Variants in PCDH17 observed in about 807,000 individuals in gnomAD.
PCDH17 encodes the protein protocadherin 17.
PCDH17 carries 21 observed loss-of-function variants against 67.7 expected under a neutral mutation model. That is an observed-to-expected ratio of 0.31 (90% CI 0.22 to 0.45). The LOEUF is 0.45. Among genes scored for constraint, PCDH17 ranks in the 20% least tolerant of loss-of-function variants. The pLI, the probability that PCDH17 is intolerant of heterozygous loss-of-function variation, is 1.00. For synonymous variants in PCDH17, 701 were observed against 656.7 expected, an observed-to-expected ratio of 1.07 and a Z score of -1.03; for missense variants, 1,471 against 1,564.8, an observed-to-expected ratio of 0.94 and a Z score of 1.01.
intron 3 of PCDH17, among the ~76,000 whole-genome samples, chr13:57,672,674 C>A (rs1315180614): frequency 2.6e-5 from 4 of 152,022 alleles, no homozygotes; most frequent in Non-Finnish European, 5.9e-5. Flanking sequence ...ACTTTACAAT[C>A]TTCCCTATAA....
At chr13:57,704,941 T>C (rs1955707232) in intron 3 of PCDH17, among the ~76,000 whole-genome samples, 1 of 152,016 alleles carries the variant, frequency 6.6e-6, no homozygotes, top group East Asian at 1.9e-4. Flanking sequence ...TATGTATATA[T>C]GTATATTATG....
rs1318014436 is a variant in PCDH17 at position 57,632,583 on chromosome 13, G to A, written c.37G>A (p.Ala13Thr). The change falls in exon 1 of 4, where the codon GCC becomes ACC. Residue 13 changes from alanine to threonine, a missense_variant. Physicochemically the swap from Ala to Thr is moderately conservative, Grantham distance 58 (BLOSUM62 0). Transcript: ENST00000377918. The stretch of plus-strand genomic sequence containing the variant: ...CATCTGTTGCTGCTTTCTTCTATGG[G>A]CCCCTGCCCTCACTCTCAAGAACCT... Reference protein sequence around the residue: ...LSICCCFLLWAPALTLKNLNY... With the variant: ...LSICCCFLLWTPALTLKNLNY... 2 of 1,613,862 alleles carry A rather than the reference G, an allele frequency of 1.2e-6. No individual in the cohort carries two copies. The highest frequency in any genetic ancestry group is 1.1e-5 in the South Asian group (1 of 91,082).
intron 3 of PCDH17, among the ~76,000 whole-genome samples, chr13:57,675,312 G>C (rs1955379525): frequency 6.6e-6 from 1 of 151,794 alleles, no homozygotes; most frequent in South Asian, 2.1e-4. Context: ...TCTTTCCTTA[G>C]TGTTGTAAGG....
intron 3 of PCDH17, among the ~76,000 whole-genome samples, chr13:57,682,471 C>T (rs1320103659): frequency 1.3e-5 from 2 of 151,806 alleles, no homozygotes; most frequent in East Asian, 3.9e-4. Context: ...TTACAATGCA[C>T]AACACTTCCA....
intron 3 of PCDH17, among the ~76,000 whole-genome samples, chr13:57,682,346 A>G (rs887918583): frequency 5.9e-4 from 89 of 151,818 alleles, no homozygotes; most frequent in African/African-American, 2.1e-3. Flanking sequence ...CTTCTTACTC[A>G]AAATACCCTC....
intron 3 of PCDH17, among the ~76,000 whole-genome samples, chr13:57,693,598 A>C (rs1289472634): frequency 6.6e-6 from 1 of 150,398 alleles, no homozygotes; most frequent in Non-Finnish European, 1.5e-5. Flanking sequence ...GGATCTTATT[A>C]TTTCAAATAT....
intron 1 of PCDH17, among the ~76,000 whole-genome samples, chr13:57,654,983 T>C (rs1007165714): frequency 6.6e-6 from 1 of 151,914 alleles, no homozygotes; most frequent in Non-Finnish European, 1.5e-5. Flanking sequence ...ATGTAGAAGG[T>C]TGGGGATTTC....
intron 1 of PCDH17, among the ~76,000 whole-genome samples, chr13:57,660,133 T>G (rs1955165891): frequency 6.6e-6 from 1 of 152,094 alleles, no homozygotes; most frequent in South Asian, 2.1e-4. Flanking sequence ...GTAGTTCCAA[T>G]TACTTGCGCG....
intron 3 of PCDH17, among the ~76,000 whole-genome samples, chr13:57,717,485 C>T (rs1339475125): frequency 6.6e-6 from 1 of 151,942 alleles, no homozygotes; most frequent in Admixed American, 6.6e-5. Flanking sequence ...CAAAGGGTCA[C>T]AGACACTTAA....
At chr13:57,695,003 A>G (rs1955592941) in intron 3 of PCDH17, among the ~76,000 whole-genome samples, 1 of 151,232 alleles carries the variant, frequency 6.6e-6, no homozygotes, top group Non-Finnish European at 1.5e-5. Context: ...TATTTTATTA[A>G]CCACTTGATT....
Position 57,634,256 on chromosome 13 carries a change from G to C in PCDH17, c.1710G>C (p.Arg570Ser). The C allele has an allele frequency of 1.2e-6, 2 of 1,613,228 alleles. No individual in the cohort carries two copies. The highest frequency in any genetic ancestry group is 1.7e-6 in the Non-Finnish European group (2 of 1,180,028). ...ACTTGGAGAGCAACGCCACGGTGAG[G>C]GTGACAGTGCTAGACGTGAATGACA... The part of the protein sequence containing the change: ...PAHLESNATV[R>S]VTVLDVNDNA... Residue 570 changes from arginine to serine, a missense_variant, in exon 1 of 4, where the codon AGG becomes AGC. Transcript: ENST00000377918. The surrounding 1 kb of genome is among the most constrained non-coding windows in gnomAD (Gnocchi z 7.8).
At position 57,703,405 on chromosome 13, in the gene PCDH17, G is replaced by A. The variant is rs547189800; in HGVS notation, c.2798-21207G>A. Among the ~76,000 whole-genome samples, 3 of 152,252 alleles carry A rather than the reference G, an allele frequency of 2.0e-5. No homozygotes were observed. The East Asian group carries it at 5.8e-4, about 29-fold the overall frequency. The stretch of plus-strand genomic sequence containing the variant: ...AAGAAAGTCTAATAAATCTAGGGAT[G>A]CAAGAAAGTGTATAGTGGAGGAAAG... On this transcript the variant is annotated intron_variant, in intron 3 of 3. Coordinates refer to ENST00000377918, the MANE Select transcript of PCDH17 (RefSeq NM_001040429.3).
At chr13:57,647,079 C>T (rs1954974370) in intron 1 of PCDH17, among the ~76,000 whole-genome samples, 1 of 151,750 alleles carries the variant, frequency 6.6e-6, no homozygotes, top group Non-Finnish European at 1.5e-5. Context: ...ATCGTACATG[C>T]TTTCTTTTAA....
intron 3 of PCDH17, among the ~76,000 whole-genome samples, chr13:57,672,796 C>A (rs1336855356): frequency 2.0e-5 from 3 of 151,882 alleles, no homozygotes; most frequent in Non-Finnish European, 4.4e-5. Context: ...TTTCCCAGAC[C>A]TTCCCATAAC....
chr13:57,719,469 C>T (rs1488389727), intron 3 of PCDH17, among the ~76,000 whole-genome samples: 1 of 151,936 alleles, frequency 6.6e-6, no homozygotes, highest in East Asian at 1.9e-4. Flanking sequence ...AAATCAGAGG[C>T]AAATACTGGA....
intron 3 of PCDH17, among the ~76,000 whole-genome samples, chr13:57,698,244 TATAC>T (rs1260236037): frequency 6.6e-6 from 1 of 151,536 alleles, no homozygotes; most frequent in African/African-American, 2.4e-5. Context: ...TACATATAGA[TATAC>T]ACACACACAC....
intron 3 of PCDH17, among the ~76,000 whole-genome samples, chr13:57,721,417 C>CT (rs533461308): frequency 2.5e-4 from 37 of 150,540 alleles, no homozygotes; most frequent in East Asian, 1.6e-3. Flanking sequence ...AAATAATTTG[C>CT]TTTTTTTTTC....
intron 3 of PCDH17, among the ~76,000 whole-genome samples, chr13:57,688,047 A>C (rs1955524010): frequency 6.6e-6 from 1 of 152,096 alleles, no homozygotes; most frequent in African/African-American, 2.4e-5. Flanking sequence ...TATTTTATCC[A>C]GTTAAAAAGC....
At chr13:57,704,903 C>T (rs1216370924) in intron 3 of PCDH17, among the ~76,000 whole-genome samples, 2 of 152,052 alleles carry the variant, frequency 1.3e-5, no homozygotes, top group South Asian at 2.1e-4. Flanking sequence ...ACTATAAGTA[C>T]ATATACATTA....
Sources: gnomAD v4.1 joint callset for allele counts (sites outside exome capture counted in the v4.1 genomes callset) on GRCh38, gnomAD v4.1.1 for gene constraint, Gnocchi (gnomAD v3.1) non-coding constraint, MANE v1.5 for transcripts, NCBI Gene and HGNC (gene_info 2026-07-23, HGNC 2026-07-21) for gene names.